Variants in RUFY3 observed in about 807,000 individuals in gnomAD.
The protein encoded by RUFY3 is protein RUFY3.
A neutral mutation model predicts 84.0 loss-of-function variants in RUFY3; 34 were observed. That is an observed-to-expected ratio of 0.40 (90% confidence interval 0.31 to 0.54). The LOEUF (loss-of-function observed/expected upper bound fraction) is 0.54. Among genes scored for constraint, RUFY3 ranks in the 20% least tolerant of loss-of-function variants. The pLI is 0.39. For synonymous variants in RUFY3, 242 were observed against 252.9 expected, an observed-to-expected ratio of 0.96 and a Z score of 0.41; for missense variants, 507 against 736.8, an observed-to-expected ratio of 0.69 and a Z score of 3.61.
Position 70,794,784 on chromosome 4 carries a change from A to C in RUFY3, c.1458-11A>C, listed in dbSNP as rs371708258. The C allele has an allele frequency of 3.2e-6, 5 of 1,585,034 alleles. No individual in the cohort carries two copies. The highest frequency in any genetic ancestry group is 4.3e-6 in the Non-Finnish European group (5 of 1,154,882). The stretch of plus-strand genomic sequence containing the variant: ...CAATTTTTCATCCTTTTCCTCTCCA[A>C]CTTACCTCAGGAACCAGCTTGAGTT... On this transcript the variant is annotated splice_polypyrimidine_tract_variant and intron_variant, in intron 13 of 17. Transcript: ENST00000381006.
intron 10 of RUFY3, among the ~76,000 whole-genome samples, chr4:70,788,035 C>G (rs1177002208): frequency 6.6e-6 from 1 of 151,538 alleles, no homozygotes; most frequent in East Asian, 1.9e-4. Flanking sequence ...ACCTGTAATC[C>G]CAGCACTTTG....
chr4:70,760,613 G>A (rs545589195), intron 1 of RUFY3, among the ~76,000 whole-genome samples: 1 of 152,118 alleles, frequency 6.6e-6, no homozygotes, highest in African/African-American at 2.4e-5. Flanking sequence ...ATACATGCTG[G>A]TAATAAATGG....
At chr4:70,721,689 G>T (rs985035066), upstream of RUFY3, among the ~76,000 whole-genome samples, 2 of 152,094 alleles carry the variant, frequency 1.3e-5, no homozygotes, top group African/African-American at 4.8e-5. Context: ...TAATCTAACT[G>T]CCTCTTTTAC....
chr4:70,779,588 T>C (rs1179145645), intron 8 of RUFY3, among the ~76,000 whole-genome samples: 3 of 151,026 alleles, frequency 2.0e-5, no homozygotes, highest in African/African-American at 2.4e-5. Context: ...CTTTTTCTTT[T>C]TTTTTTTTTT....
intron 1 of RUFY3, among the ~76,000 whole-genome samples, chr4:70,706,196 A>C (rs766325053): frequency 1.3e-5 from 2 of 152,180 alleles, no homozygotes; most frequent in Non-Finnish European, 2.9e-5. Flanking sequence ...CTGACGATAC[A>C]AGGCATGCTG....
chr4:70,766,909 C>G (rs1357453979), intron 4 of RUFY3, among the ~76,000 whole-genome samples: 2 of 152,176 alleles, frequency 1.3e-5, no homozygotes, highest in Non-Finnish European at 2.9e-5. Context: ...CCTCCAACCC[C>G]TAATAACCAC....
intron 1 of RUFY3, chr4:70,741,535 C>A: frequency 1.9e-6 from 2 of 1,032,402 alleles, no homozygotes; most frequent in South Asian, 1.6e-5. Flanking sequence ...TTTCAGTTAT[C>A]CCTTTGGAAA....
intron 1 of RUFY3, among the ~76,000 whole-genome samples, chr4:70,712,226 C>G (rs1348057888): frequency 6.6e-6 from 1 of 152,146 alleles, no homozygotes; most frequent in Non-Finnish European, 1.5e-5. Flanking sequence ...AATACTACTA[C>G]TAGTGGCCAC....
Position 70,789,561 on chromosome 4 carries a change from A to G in RUFY3, c.1306A>G (p.Met436Val). Residue 436 changes from methionine (M) to valine (V), a missense_variant, in exon 12 of 18, where the codon ATG becomes GTG. This residue lies in a region of RUFY3 where 334 missense variants were observed against 364.1 expected (regional missense o/e 0.92). Coordinates refer to ENST00000381006, the MANE Select transcript of RUFY3 (RefSeq NM_001037442.4). ...TCGCTTGGAAGAGAAGACTAATCAG[A>G]TGGCTGCTACCATTAAACAACTTGA... ...NSRLEEKTNQ[M>V]AATIKQLEQR... 1.2e-6 allele frequency: 2 copies of G among 1,613,044 alleles called. No homozygotes were observed. The highest frequency in any genetic ancestry group is 4.5e-5 in the East Asian group (2 of 44,750).
intron 12 of RUFY3, chr4:70,793,267 A>G: frequency 3.0e-6 from 3 of 991,220 alleles, no homozygotes; most frequent in Non-Finnish European, 3.6e-6. Flanking sequence ...GTGAGGGTTG[A>G]TATATAATGT....
At chr4:70,715,851 T>C (rs199610515) in intron 1 of RUFY3, among the ~76,000 whole-genome samples, 1 of 152,058 alleles carries the variant, frequency 6.6e-6, no homozygotes, top group Non-Finnish European at 1.5e-5. Flanking sequence ...CAGTGGCCAA[T>C]GCCTGTAATC....
chr4:70,709,493 A>C (rs1323613091), intron 1 of RUFY3, among the ~76,000 whole-genome samples: 2 of 152,052 alleles, frequency 1.3e-5, no homozygotes, highest in African/African-American at 4.8e-5. Context: ...TTTTTCATGC[A>C]TTTACAGACA....
At position 70,768,631 on chromosome 4, in the gene RUFY3, C is replaced by T. The variant is rs571709411; in HGVS notation, c.666C>T (p.Phe222=). ...GTCTGAATGTCATTGATGCCAATTTCTGTATGAAAGGAGAAGACTTGGACT... is the reference window on the plus strand; with the variant it reads ...GTCTGAATGTCATTGATGCCAATTTTTGTATGAAAGGAGAAGACTTGGACT... The part of the protein sequence containing the change: ...LVGLNVIDAN[F]CMKGEDLDSQ... Residue 222 remains phenylalanine, a synonymous_variant, in exon 5 of 18, where the codon TTC becomes TTT. Transcript: ENST00000381006. 1 of 1,613,874 alleles carries T rather than the reference C, an allele frequency of 6.2e-7. No homozygotes were observed. The highest frequency in any genetic ancestry group is 2.2e-5 in the East Asian group (1 of 44,854).
exon 1 of RUFY3, chr4:70,704,868 C>A: frequency 9.4e-7 from 1 of 1,061,748 alleles, no homozygotes; most frequent in Non-Finnish European, 1.2e-6. Flanking sequence ...CGGCTCCTCG[C>A]CCTGACCCTC....
At position 70,803,528 on chromosome 4, in the gene RUFY3, A is replaced by G. The variant is rs186669165; in HGVS notation, c.1650+545A>G. ...GGGGTGCAGTGGACGATCTCAGCTC[A>G]CTGAAGCCTCAACTTCCCGAGCTTA... On this transcript the variant is annotated intron_variant, in intron 16 of 17. Coordinates refer to ENST00000381006, the MANE Select transcript of RUFY3 (RefSeq NM_001037442.4). 2.8e-3 allele frequency among the ~76,000 whole-genome samples: 422 copies of G among 151,314 alleles called. 3 individuals carry two copies. Among genetic ancestry groups the G allele is most frequent in the African/African-American group, 9.6e-3 (395 of 41,126 alleles).
At chr4:70,789,903 A>G (rs1730536665) in intron 12 of RUFY3, 2 of 1,047,508 alleles carry the variant, frequency 1.9e-6, no homozygotes, top group Non-Finnish European at 2.3e-6. Flanking sequence ...ACTTAAAAGC[A>G]TGGAAGGACT....
At chr4:70,792,844 A>G (rs940689759) in intron 12 of RUFY3, 109 of 985,244 alleles carry the variant, frequency 1.1e-4, no homozygotes, top group Non-Finnish European at 1.3e-4. Context: ...TGTGCTCTTG[A>G]ACTTATTTTA....
intron 4 of RUFY3, 34 bp downstream of exon 4, chr4:70,764,610 T>G (rs1414983266): frequency 7.8e-7 from 1 of 1,277,060 alleles, no homozygotes; most frequent in African/African-American, 1.5e-5. Context: ...CTTCTTTCCT[T>G]GGTATGTTCT....
In RUFY3 at chr4:70,733,174, G is replaced by GAA. The variant is rs145308748; in HGVS notation, c.178+10425_178+10426dup. Reference sequence around the variant, plus strand: ...AGAGAGAGAGAGAGAGAGAAAGAAAGAAAGAAAAATGGATTTTGTCTTCCT... The same window carrying GAA: ...AGAGAGAGAGAGAGAGAGAAAGAAAGAAAAAGAAAAATGGATTTTGTCTTCCT... On this transcript the variant is annotated intron_variant, in intron 1 of 17. Transcript: ENST00000381006. Among the ~76,000 whole-genome samples, 793 of 147,410 alleles carry GAA rather than the reference G, an allele frequency of 5.4e-3. 14 individuals carry two copies. Among genetic ancestry groups the GAA allele is most frequent in the African/African-American group, 0.019 (741 of 39,062 alleles).
Sources: gnomAD v4.1 joint callset for allele counts (sites outside exome capture counted in the v4.1 genomes callset) on GRCh38, gnomAD v4.1.1 for gene constraint, gnomAD v4.1.1 regional missense constraint, MANE v1.5 for transcripts, NCBI Gene and HGNC (gene_info 2026-07-23, HGNC 2026-07-21) for gene names.